The following STK17B variants were observed in gnomAD, a reference collection of about 807,000 sequenced individuals.
STK17B encodes serine/threonine kinase 17b, also known as serine/threonine-protein kinase 17B.
Under a neutral mutation model 42.0 loss-of-function variants are expected in STK17B, and 21 were observed. That is an observed-to-expected ratio of 0.50 (90% confidence interval 0.35 to 0.72). STK17B has a LOEUF of 0.72. Among genes scored for constraint, STK17B ranks in the 30% least tolerant of loss-of-function variants. The pLI, the probability that STK17B is intolerant of heterozygous loss-of-function variation, is 0.00. For synonymous variants in STK17B, 143 were observed against 148.4 expected, an observed-to-expected ratio of 0.96 and a Z score of 0.26; for missense variants, 349 against 446.0, an observed-to-expected ratio of 0.78 and a Z score of 1.96.
At chr2:196,141,176 G>T in intron 6 of STK17B, 73 bp downstream of exon 6, 1 of 1,077,020 alleles carries the variant, frequency 9.3e-7, no homozygotes, top group Non-Finnish European at 1.4e-6. Flanking sequence ...ATTACTCTTG[G>T]AGTCAAAGAA....
chr2:196,161,410 A>G (rs1449737499), intron 2 of STK17B, among the ~76,000 whole-genome samples: 1 of 152,010 alleles, frequency 6.6e-6, no homozygotes, highest in Admixed American at 6.5e-5. Flanking sequence ...TTAATACACC[A>G]TTAAAACACC....
At chr2:196,147,918 T>A (rs1024439291) in intron 3 of STK17B, among the ~76,000 whole-genome samples, 13 of 151,948 alleles carry the variant, frequency 8.6e-5, no homozygotes, top group Admixed American at 4.6e-4. Flanking sequence ...TTATTAGAGA[T>A]AAGGTTTCGC....
chr2:196,148,514 TA>T (rs1699614638), intron 3 of STK17B, among the ~76,000 whole-genome samples: 1 of 152,356 alleles, frequency 6.6e-6, no homozygotes, highest in South Asian at 2.1e-4. Context: ...TAGATTCTCT[TA>T]GAATATATTT....
chr2:196,146,178 T>C (rs956517058), intron 3 of STK17B, 123 bp from the exon 4 acceptor site: 1 of 1,066,956 alleles, frequency 9.4e-7, no homozygotes, highest in African/African-American at 1.6e-5. Context: ...CACTTAAAAA[T>C]AGGGCAGGGA....
chr2:196,151,300 G>C (rs1699662585), intron 3 of STK17B: 1 of 152,020 alleles, frequency 6.6e-6, no homozygotes, highest in South Asian at 2.1e-4. Context: ...CTGGGGTGCA[G>C]TGGTGTGATC....
chr2:196,168,931 T>C (rs893378597), intron 1 of STK17B, among the ~76,000 whole-genome samples: 3 of 152,174 alleles, frequency 2.0e-5, no homozygotes, highest in African/African-American at 7.2e-5. Flanking sequence ...ACATTTGAAG[T>C]TTTCCTAAGT....
chr2:196,152,571 C>T (rs1575178934), intron 3 of STK17B, among the ~76,000 whole-genome samples: 1 of 152,300 alleles, frequency 6.6e-6, no homozygotes, highest in Non-Finnish European at 1.5e-5. Flanking sequence ...AGAAGGTCGA[C>T]TAAAGCAAGA....
At position 196,137,561 on chromosome 2, in the gene STK17B, A is replaced by C; in HGVS notation, c.1005T>G (p.Gly335=). 6.2e-7 allele frequency: 1 copy of C among 1,614,106 alleles called. No homozygotes were observed. The highest frequency in any genetic ancestry group is 8.5e-7 in the Non-Finnish European group (1 of 1,179,990). The part of the protein sequence containing the change: ...TSKSSCNGTC[G]DREDKENIPE... ...GGATATTCTCTTTGTCTTCTCTATC[A>C]CCACAGGTTCCATTACAGGAGGATT... Residue 335 remains glycine (G), a synonymous_variant, in exon 8 of 8, where the codon GGT becomes GGG. Transcript: ENST00000263955.
intron 3 of STK17B, chr2:196,154,925 G>A (rs914342921): frequency 5.9e-5 from 9 of 152,214 alleles, no homozygotes; most frequent in African/African-American, 1.9e-4. Flanking sequence ...TCAGCCAGAG[G>A]TATAGAGATC....
Position 196,146,322 on chromosome 2 carries a change from C to T in STK17B, c.336-267G>A, listed in dbSNP as rs913762330. Among the ~76,000 whole-genome samples the T allele has an allele frequency of 2.6e-5, 4 of 152,022 alleles. No individual in the cohort carries two copies. In the East Asian group the frequency reaches 5.8e-4, roughly 22 times the overall value. On this transcript the variant is annotated intron_variant, in intron 3 of 7. Transcript: ENST00000263955. ...GGGAGTTCGAGATCAGCTTGGCCAA[C>T]ATGGTGAAACATCTCTACTAAAAAC...
intron 3 of STK17B, among the ~76,000 whole-genome samples, chr2:196,151,727 T>C (rs1203209540): frequency 6.6e-6 from 1 of 152,164 alleles, no homozygotes; most frequent in African/African-American, 2.4e-5. Flanking sequence ...TCATGGATAG[T>C]GGTGATGGAA....
chr2:196,166,868 T>A (rs1378896796), intron 1 of STK17B, among the ~76,000 whole-genome samples: 1 of 152,192 alleles, frequency 6.6e-6, no homozygotes, highest in African/African-American at 2.4e-5. Context: ...AGAAAGTTTT[T>A]AAAAAATAGA....
chr2:196,144,219 G>A (rs1337697045), intron 4 of STK17B, among the ~76,000 whole-genome samples: 1 of 151,420 alleles, frequency 6.6e-6, no homozygotes, highest in South Asian at 2.1e-4. Flanking sequence ...GGCCGGGCAT[G>A]GTGGCTCACG....
chr2:196,168,144 C>G lies in STK17B; in HGVS notation c.-45+3189G>C, dbSNP rs375363223. 1.8e-4 allele frequency among the ~76,000 whole-genome samples: 28 copies of G among 152,262 alleles called. No individual in the cohort carries two copies. In the South Asian group the frequency reaches 5.4e-3, roughly 29 times the overall value. ...TTGAACAGAAAATATAATTCATAAA[C>G]TTAATCCTCTAAAAATCACAATAGG... is the stretch of plus-strand genomic sequence containing the variant. On this transcript the variant is annotated intron_variant, in intron 1 of 7. Coordinates refer to ENST00000263955, the MANE Select transcript of STK17B (RefSeq NM_004226.4).
intron 1 of STK17B, among the ~76,000 whole-genome samples, chr2:196,165,428 A>G (rs1004706293): frequency 2.0e-5 from 3 of 152,244 alleles, no homozygotes; most frequent in African/African-American, 7.2e-5. Flanking sequence ...AAGGAACACT[A>G]TATACAAACA....
At position 196,137,358 on chromosome 2, in the gene STK17B, A is replaced by G; in HGVS notation, c.*89T>C. 1 of 1,362,252 alleles carries G rather than the reference A, an allele frequency of 7.3e-7. No individual in the cohort carries two copies. The highest frequency in any genetic ancestry group is 1.0e-6 in the Non-Finnish European group (1 of 1,003,066). The allele number at this position is 1,362,252 out of a possible 1,614,324, so 84.4% of individuals were successfully genotyped here. The stretch of plus-strand genomic sequence containing the variant: ...ATGGAAAAGTGCATTTACAATATAA[A>G]CATGTCATATATGAAGCTACAAATC... On this transcript the variant is annotated 3_prime_UTR_variant, in exon 8 of 8. Coordinates refer to ENST00000263955, the MANE Select transcript of STK17B (RefSeq NM_004226.4).
intron 2 of STK17B, among the ~76,000 whole-genome samples, chr2:196,161,481 T>C (rs1440059445): frequency 6.6e-6 from 1 of 151,614 alleles, no homozygotes; most frequent in Non-Finnish European, 1.5e-5. Context: ...TTGTATTTAA[T>C]TCTTGGTCAG....
At chr2:196,168,604 G>T (rs1233107109) in intron 1 of STK17B, among the ~76,000 whole-genome samples, 1 of 152,110 alleles carries the variant, frequency 6.6e-6, no homozygotes, top group Non-Finnish European at 1.5e-5. Context: ...ATTGCAAAGG[G>T]TCAGGGATGA....
rs2105664984 is a variant in STK17B at position 196,134,535 on chromosome 2, A to G, written c.*2912T>C. The G allele has an allele frequency of 6.6e-6, 1 of 152,342 alleles. No homozygotes were observed. The highest frequency in any genetic ancestry group is 2.4e-5 in the African/African-American group (1 of 41,586). The allele number at this position is 152,342 out of a possible 1,614,324, so 9.4% of individuals were successfully genotyped here. On this transcript the variant is annotated 3_prime_UTR_variant, in exon 8 of 8. Coordinates refer to ENST00000263955, the MANE Select transcript of STK17B (RefSeq NM_004226.4). The stretch of plus-strand genomic sequence containing the variant: ...TCCTGTGGAAAAATTTTCTTCCACA[A>G]AACCCGTCCCTAGTGCCAAAACAGT...
Sources: allele counts gnomAD v4.1 joint callset (sites outside exome capture counted in the v4.1 genomes callset), GRCh38; gene constraint gnomAD v4.1.1; transcripts MANE v1.5; gene names NCBI Gene and HGNC (gene_info 2026-07-23, HGNC 2026-07-21).